Variants in RGS21 observed in about 807,000 individuals in gnomAD.
The protein encoded by RGS21 is regulator of G protein signaling 21.
A neutral mutation model predicts 18.7 loss-of-function variants in RGS21; 19 were observed. The observed-to-expected ratio is 1.01, with a 90% CI of 0.71 to 1.49. The LOEUF is 1.49. Among genes scored for constraint, RGS21 ranks in the 40% most tolerant of loss-of-function variants. The pLI is 0.00. For missense variants in RGS21, 194 were observed against 176.8 expected (o/e 1.10, Z -0.55); for synonymous variants, 56 against 57.8 (o/e 0.97, Z 0.14).
intron 1 of RGS21, among the ~76,000 whole-genome samples, chr1:192,321,697 T>G (rs1039137666): frequency 6.6e-6 from 1 of 152,048 alleles, no homozygotes; most frequent in South Asian, 2.1e-4. Flanking sequence ...ACCATATGCA[T>G]GTACAATTAG....
rs912646599 is a variant in RGS21 at position 192,347,218 on chromosome 1, A to G, written c.12-95A>G. ...ATTTGGCTGTTTGATTAACAGCATG[A>G]AGTTCATTTGAATGATGTAACTCAA... On this transcript the variant is annotated intron_variant, in intron 2 of 4. Coordinates refer to ENST00000417209, the MANE Select transcript of RGS21 (RefSeq NM_001039152.3). 6.6e-6 allele frequency: 5 copies of G among 755,182 alleles called. No homozygotes were observed. The African/African-American group carries it at 6.9e-5, about 10-fold the overall frequency. 46.8% of individuals were successfully genotyped at this position (755,182 alleles called of 1,614,324 possible). A position where few individuals can be genotyped will look rare whatever the true frequency, so the allele number is the denominator to read the frequency against.
intron 2 of RGS21, 71 bp from the exon 3 acceptor site, chr1:192,347,241 CA>C: frequency 2.2e-6 from 2 of 928,404 alleles, no homozygotes; most frequent in Admixed American, 1.8e-5. Context: ...TGATGTAACT[CA>C]AAATACATGT....
chr1:192,342,941 C>T, intron 1 of RGS21, 36 bp from the exon 2 acceptor site: 9 of 1,227,786 alleles, frequency 7.3e-6, no homozygotes, highest in Non-Finnish European at 1.1e-5. Context: ...TATTCGCATA[C>T]TAATTGTAAT....
intron 1 of RGS21, among the ~76,000 whole-genome samples, chr1:192,318,846 G>A (rs1012399595): frequency 6.6e-6 from 1 of 151,952 alleles, no homozygotes; most frequent in African/African-American, 2.4e-5. Flanking sequence ...TTTTTACTTA[G>A]ATATAAATGA....
intron 3 of RGS21, 22 bp from the exon 4 acceptor site, chr1:192,352,024 AC>A: frequency 2.0e-6 from 3 of 1,483,876 alleles, no homozygotes; most frequent in Non-Finnish European, 2.7e-6. Context: ...ATTATACAAA[AC>A]TTTTTCTCAT....
At chr1:192,365,623 T>TG (rs1187879182) in intron 4 of RGS21, among the ~76,000 whole-genome samples, 1 of 152,060 alleles carries the variant, frequency 6.6e-6, no homozygotes, top group Non-Finnish European at 1.5e-5. Context: ...AAAAGGTAGG[T>TG]GAAAAAAATG....
intron 4 of RGS21, among the ~76,000 whole-genome samples, chr1:192,364,714 C>A (rs1417039101): frequency 6.6e-6 from 1 of 152,146 alleles, no homozygotes; most frequent in East Asian, 1.9e-4. Flanking sequence ...CATTTAAATT[C>A]CATTTAACAA....
At chr1:192,365,799 C>A (rs908004074) in intron 4 of RGS21, 122 bp from the exon 5 acceptor site, 2 of 584,068 alleles carry the variant, frequency 3.4e-6, no homozygotes, top group Admixed American at 3.5e-5. Context: ...AATACATGAA[C>A]TTTCTGCTGT....
At chr1:192,349,642 T>C (rs1044094163) in intron 3 of RGS21, among the ~76,000 whole-genome samples, 19 of 152,114 alleles carry the variant, frequency 1.2e-4, no homozygotes, top group African/African-American at 4.6e-4. Flanking sequence ...TATAGGAGAG[T>C]AAATCAACAA....
rs1659259539 is a variant in RGS21, at chr1:192,366,300, T to C, written c.*176T>C. 1 of 551,548 alleles carries C rather than the reference T, an allele frequency of 1.8e-6. No individual in the cohort carries two copies. Among genetic ancestry groups the C allele is most frequent in the Non-Finnish European group, 3.2e-6 (1 of 315,046 alleles). The allele number at this position is 551,548 out of a possible 1,614,324, so 34.2% of individuals were successfully genotyped here. ...TTCTAACTCAGTTGTTTAGAATGTA[T>C]TTGCTTTACCAGCTATTTAATCTCC... On this transcript the variant is annotated 3_prime_UTR_variant, in exon 5 of 5. Coordinates refer to ENST00000417209, the MANE Select transcript of RGS21 (RefSeq NM_001039152.3).
intron 1 of RGS21, among the ~76,000 whole-genome samples, chr1:192,337,715 A>G (rs922310839): frequency 3.9e-5 from 6 of 152,154 alleles, no homozygotes; most frequent in Non-Finnish European, 7.4e-5. Flanking sequence ...AACAGATCAA[A>G]TGATAACAAA....
intron 4 of RGS21, among the ~76,000 whole-genome samples, chr1:192,363,016 A>C (rs1045879303): frequency 2.0e-5 from 3 of 152,178 alleles, no homozygotes; most frequent in African/African-American, 7.2e-5. Flanking sequence ...ATTTAAAGAC[A>C]AAAAGACTTG....
intron 1 of RGS21, among the ~76,000 whole-genome samples, chr1:192,334,401 T>C (rs1264706750): frequency 2.0e-5 from 3 of 152,190 alleles, no homozygotes; most frequent in Non-Finnish European, 4.4e-5. Context: ...TGTTTTAGAA[T>C]TGAATTATAT....
rs547285383 is a variant in RGS21 at position 192,355,161 on chromosome 1, A to T, written c.255+2948A>T. ...TCAAATCCTGATCCCTCACTTGTGT[A>T]ATTCTGTCATAAGCTATTTATCTCT... On this transcript the variant is annotated intron_variant, in intron 4 of 4. Coordinates refer to ENST00000417209, the MANE Select transcript of RGS21 (RefSeq NM_001039152.3). 3.0e-4 allele frequency among the ~76,000 whole-genome samples: 45 copies of T among 151,784 alleles called. 1 individual carries two copies. Among genetic ancestry groups the T allele is most frequent in the African/African-American group, 9.9e-4 (41 of 41,494 alleles).
intron 1 of RGS21, among the ~76,000 whole-genome samples, chr1:192,319,687 T>C (rs1184242140): frequency 4.6e-5 from 7 of 152,124 alleles, no homozygotes; most frequent in African/African-American, 7.2e-5. Flanking sequence ...ACTTTTCTGA[T>C]TTTTTGAGTC....
chr1:192,330,187 TA>T (rs1272079061), intron 1 of RGS21, among the ~76,000 whole-genome samples: 74 of 152,280 alleles, frequency 4.9e-4, no homozygotes, highest in Non-Finnish European at 8.8e-5. Flanking sequence ...TAGAAAGTGA[TA>T]AAGCATATAA....
chr1:192,343,905 A>G (rs2102230411), intron 2 of RGS21, among the ~76,000 whole-genome samples: 1 of 152,232 alleles, frequency 6.6e-6, no homozygotes, highest in African/African-American at 2.4e-5. Context: ...GATAGCACAT[A>G]TCAAGTAAAA....
At chr1:192,337,651 T>A (rs1173896590) in intron 1 of RGS21, among the ~76,000 whole-genome samples, 3 of 152,008 alleles carry the variant, frequency 2.0e-5, no homozygotes, top group African/African-American at 7.2e-5. Context: ...GTCAATTAAG[T>A]GATTATTTAT....
intron 4 of RGS21, among the ~76,000 whole-genome samples, chr1:192,359,643 A>G (rs914715747): frequency 4.0e-5 from 5 of 126,526 alleles, no homozygotes; most frequent in Non-Finnish European, 6.6e-5. Context: ...ATATGTTTAT[A>G]TGTGTGTGTG....
Sources: allele counts gnomAD v4.1 joint callset (sites outside exome capture counted in the v4.1 genomes callset), GRCh38; gene constraint gnomAD v4.1.1; transcripts MANE v1.5; gene names NCBI Gene and HGNC (gene_info 2026-07-23, HGNC 2026-07-21).